The following TDRD9 variants were observed in gnomAD, a reference collection of about 807,000 sequenced individuals.
TDRD9 encodes ATP-dependent RNA helicase TDRD9.
In TDRD9, 124 loss-of-function variants were observed where a neutral mutation model predicts 172.6. That is an observed-to-expected ratio of 0.72 (90% confidence interval 0.62 to 0.83). The LOEUF (loss-of-function observed/expected upper bound fraction) is 0.83. Among genes scored for constraint, TDRD9 ranks in the 40% least tolerant of loss-of-function variants. The pLI, the probability that TDRD9 is intolerant of heterozygous loss-of-function variation, is 0.00. For missense variants in TDRD9, 1,479 were observed against 1,714.1 expected (o/e 0.86, Z 2.42); for synonymous variants, 619 against 617.1 (o/e 1.00, Z -0.05).
chr14:103,955,120 C>T (rs2032132776), intron 1 of TDRD9, among the ~76,000 whole-genome samples: 1 of 151,730 alleles, frequency 6.6e-6, no homozygotes. Context: ...GATGGGGTTT[C>T]ACCATGTTGC....
chr14:103,958,747 C>T (rs1267502556), intron 2 of TDRD9, among the ~76,000 whole-genome samples: 1 of 152,210 alleles, frequency 6.6e-6, no homozygotes, highest in East Asian at 1.9e-4. Flanking sequence ...GCAGCCATGC[C>T]AACACCTTGT....
intron 7 of TDRD9, among the ~76,000 whole-genome samples, chr14:103,978,840 G>A (rs1440382901): frequency 6.6e-6 from 1 of 152,174 alleles, no homozygotes; most frequent in Admixed American, 6.5e-5. Flanking sequence ...ACATAGTGAT[G>A]TGATACATAC....
In TDRD9 at chr14:103,965,479, G is replaced by A; in HGVS notation, c.567G>A (p.Lys189=). 1 of 1,524,720 alleles carries A rather than the reference G, an allele frequency of 6.6e-7. No homozygotes were observed. The highest frequency in any genetic ancestry group is 8.8e-7 in the Non-Finnish European group (1 of 1,130,052). The allele number at this position is 1,524,720 out of a possible 1,614,324, so 94.4% of individuals were successfully genotyped here. ...GCATTGTGGTCACCCAGCCCCGGAA[G>A]ATAGGGGCAAGCAGCATCGCCAGGT... ...YCSIVVTQPR[K]IGASSIARWI... Residue 189 remains lysine (K), a synonymous_variant, in exon 4 of 36, where the codon AAG becomes AAA. Transcript: ENST00000409874.
intron 8 of TDRD9, among the ~76,000 whole-genome samples, chr14:103,986,987 A>C (rs931047828): frequency 6.6e-6 from 1 of 152,064 alleles, no homozygotes; most frequent in Non-Finnish European, 1.5e-5. Flanking sequence ...GGTGGTGCGC[A>C]CCTGTAGTCC....
chr14:103,956,789 T>G (rs1227849089), intron 2 of TDRD9, among the ~76,000 whole-genome samples: 6 of 152,196 alleles, frequency 3.9e-5, no homozygotes, highest in Non-Finnish European at 8.8e-5. Flanking sequence ...GAGTTCACCG[T>G]TAGTTACTTT....
At chr14:103,940,321 C>G (rs2031142405) in intron 1 of TDRD9, 2 of 153,088 alleles carry the variant, frequency 1.3e-5, no homozygotes, top group Non-Finnish European at 2.9e-5. Context: ...CATTTTTAAA[C>G]TGCATGATAT....
At chr14:104,003,287 G>A (rs536294358) in intron 13 of TDRD9, among the ~76,000 whole-genome samples, 1 of 152,180 alleles carries the variant, frequency 6.6e-6, no homozygotes, top group African/African-American at 2.4e-5. Flanking sequence ...ATTTTTATTA[G>A]TAGGAGAAAA....
chr14:104,030,276 T>C (rs566455414), intron 28 of TDRD9, among the ~76,000 whole-genome samples: 91 of 152,314 alleles, frequency 6.0e-4, no homozygotes, highest in African/African-American at 2.1e-3. Flanking sequence ...GCAGATCACC[T>C]GAGGTCAGGA....
intron 1 of TDRD9, among the ~76,000 whole-genome samples, chr14:103,952,865 G>A (rs1335558781): frequency 1.3e-5 from 2 of 148,590 alleles, no homozygotes; most frequent in South Asian, 2.2e-4. Flanking sequence ...TCAGTCTCCC[G>A]AGTAGCTGGG....
intron 1 of TDRD9, among the ~76,000 whole-genome samples, chr14:103,930,785 G>A (rs1320682137): frequency 1.3e-5 from 2 of 152,108 alleles, no homozygotes; most frequent in South Asian, 2.1e-4. Flanking sequence ...TTAACGGTGT[G>A]AACAGCATTG....
chr14:104,036,286 T>C (rs932197567), intron 32 of TDRD9, among the ~76,000 whole-genome samples: 1 of 152,244 alleles, frequency 6.6e-6, no homozygotes, highest in African/African-American at 2.4e-5. Flanking sequence ...TAATTATACA[T>C]GCACTTGTTT....
At chr14:104,001,567 C>T (rs998487998) in intron 13 of TDRD9, among the ~76,000 whole-genome samples, 1 of 152,090 alleles carries the variant, frequency 6.6e-6, no homozygotes, top group Non-Finnish European at 1.5e-5. Context: ...GTATAAAAAC[C>T]CAAGAATATA....
Position 103,980,789 on chromosome 14 carries a change from C to T in TDRD9, c.1011+5236C>T, listed in dbSNP as rs577195678. ...TGGTCCGCTTGGCAACGGGCGTCTTCCCAGATGCTGGCATTACTGCTAGAC... is the reference window on the plus strand; with the variant it reads ...TGGTCCGCTTGGCAACGGGCGTCTTTCCAGATGCTGGCATTACTGCTAGAC... On this transcript the variant is annotated intron_variant, in intron 7 of 35. Transcript: ENST00000409874. The surrounding 1 kb of genome is among the most constrained non-coding windows in gnomAD (Gnocchi z 4.5). Among the ~76,000 whole-genome samples, 1 of 152,248 alleles carries T rather than the reference C, an allele frequency of 6.6e-6. No homozygotes were observed. Among genetic ancestry groups the T allele is most frequent in the African/African-American group, 2.4e-5 (1 of 41,556 alleles).
intron 7 of TDRD9, among the ~76,000 whole-genome samples, chr14:103,977,185 C>T (rs780230437): frequency 1.4e-4 from 22 of 152,068 alleles, no homozygotes; most frequent in Non-Finnish European, 2.4e-4. Context: ...CACTTATTTG[C>T]CCATTAAAAA....
At chr14:103,998,791 C>CTTTTT in intron 13 of TDRD9, 63 bp downstream of exon 13, 3 of 631,540 alleles carry the variant, frequency 4.8e-6, no homozygotes, top group Non-Finnish European at 5.4e-6. Flanking sequence ...CATTCAGGTG[C>CTTTTT]TTTTTTTTTT....
chr14:103,995,814 T>C lies in TDRD9; in HGVS notation c.1378+7T>C. ...GTTCCAGATGTCAAATATGGTAAGA[T>C]ACTTCTCCGTTTACCTCCTGGCATT... On this transcript the variant is annotated splice_region_variant and intron_variant, in intron 12 of 35. Transcript: ENST00000409874. 1 of 1,604,794 alleles carries C rather than the reference T, an allele frequency of 6.2e-7. No individual in the cohort carries two copies. The highest frequency in any genetic ancestry group is 8.5e-7 in the Non-Finnish European group (1 of 1,176,208).
At position 103,965,441 on chromosome 14, in the gene TDRD9, T is replaced by A. The variant is rs944277489; in HGVS notation, c.529T>A (p.Ser177Thr). The A allele has an allele frequency of 6.4e-7, 1 of 1,551,444 alleles. No individual in the cohort carries two copies. The highest frequency in any genetic ancestry group is 1.7e-4 in the Middle Eastern group (1 of 5,992). ...QYILDHYVQRSAYCSIVVTQP... is the reference protein window; with the variant it reads ...QYILDHYVQRTAYCSIVVTQP... ...TATCTTGGACCACTACGTTCAGCGC[T>A]CCGCCTACTGCAGCATTGTGGTCAC... Residue 177 changes from serine to threonine, a missense_variant, in exon 4 of 36, where the codon TCC becomes ACC. This residue lies in a region of TDRD9 where 1,413 missense variants were observed against 1,649.1 expected (regional missense o/e 0.86). Coordinates refer to ENST00000409874, the MANE Select transcript of TDRD9 (RefSeq NM_153046.3).
At position 104,052,639 on chromosome 14, in the gene TDRD9, G is replaced by A. The variant is rs1343644653; in HGVS notation, c.*557G>A. 6.6e-6 allele frequency: 1 copy of A among 152,290 alleles called. No homozygotes were observed. The highest frequency in any genetic ancestry group is 1.9e-4 in the East Asian group (1 of 5,200). 9.4% of individuals were successfully genotyped at this position (152,290 alleles called of 1,614,324 possible). ...CAGATTACATGGCCATAGCTTATCT[G>A]TGTTAAAACAATAAAAGCATTAAAT... On this transcript the variant is annotated 3_prime_UTR_variant, in exon 36 of 36. Transcript: ENST00000409874.
chr14:104,026,082 A>C lies in TDRD9; in HGVS notation c.2967A>C (p.Val989=), dbSNP rs200267407. The C allele has an allele frequency of 9.7e-5, 156 of 1,611,526 alleles. No individual in the cohort carries two copies. Among genetic ancestry groups the C allele is most frequent in the Non-Finnish European group, 1.3e-4 (152 of 1,177,710 alleles). Residue 989 remains valine (V), a synonymous_variant, in exon 27 of 36, where the codon GTA becomes GTC. Coordinates refer to ENST00000409874, the MANE Select transcript of TDRD9 (RefSeq NM_153046.3). The stretch of plus-strand genomic sequence containing the variant: ...TAGATTATGGCAATAAGTCTCATGT[A>C]GATCTACATCTTTTGATGGAGATTC... ...FFVDYGNKSH[V]DLHLLMEIPC... is the part of the protein sequence containing the mutation.
Sources: allele counts gnomAD v4.1 joint callset (sites outside exome capture counted in the v4.1 genomes callset), GRCh38; gene constraint gnomAD v4.1.1; regional missense constraint gnomAD v4.1.1; non-coding constraint Gnocchi (gnomAD v3.1); transcripts MANE v1.5; gene names NCBI Gene and HGNC (gene_info 2026-07-23, HGNC 2026-07-21).